Variants in NDUFC2 observed in about 807,000 individuals in gnomAD.
NDUFC2 encodes NADH:ubiquinone oxidoreductase subunit C2.
A neutral mutation model predicts 10.1 loss-of-function variants in NDUFC2; 2 were observed. The ratio of observed to expected loss-of-function variants is 0.20; its 90% CI spans 0.08 to 0.62. NDUFC2 has a LOEUF of 0.62. Ranked by LOEUF, NDUFC2 falls within the 20% of genes least tolerant of loss-of-function variation. The probability of loss-of-function intolerance (pLI) is 0.87; values close to 1 mark genes in which losing one functional copy is unlikely to be tolerated. For missense variants in NDUFC2, 156 were observed against 159.6 expected (o/e 0.98, Z 0.12); for synonymous variants, 61 against 63.6 (o/e 0.96, Z 0.20).
At chr11:78,070,386 G>A (rs1196727127) in intron 2 of NDUFC2, among the ~76,000 whole-genome samples, 1 of 152,044 alleles carries the variant, frequency 6.6e-6, no homozygotes, top group East Asian at 1.9e-4. Flanking sequence ...CCTGATCTTG[G>A]ACTTCCCAGC....
At chr11:78,077,501 GA>G (rs2136841190) in intron 1 of NDUFC2, among the ~76,000 whole-genome samples, 1 of 152,262 alleles carries the variant, frequency 6.6e-6, no homozygotes, top group Non-Finnish European at 1.5e-5. Context: ...TGATCGACCT[GA>G]CCATGTAACT....
At chr11:78,073,871 C>T (rs1481526640) in intron 1 of NDUFC2, among the ~76,000 whole-genome samples, 1 of 146,420 alleles carries the variant, frequency 6.8e-6, no homozygotes, top group Non-Finnish European at 1.5e-5. Context: ...AGACACCCTA[C>T]ATATTCTTTT....
chr11:78,074,242 A>G lies in NDUFC2; in HGVS notation c.167-1101T>C, dbSNP rs1159509966. ...TATTACATGCAATGTATATTTTAGC[A>G]TATAGCACTTAATATTTATTTAATA... On this transcript the variant is annotated intron_variant, in intron 1 of 2. Transcript: ENST00000281031. Among the ~76,000 whole-genome samples the G allele has an allele frequency of 2.6e-5, 4 of 152,092 alleles. No homozygotes were observed. The East Asian group carries it at 7.7e-4, about 29-fold the overall frequency.
chr11:78,078,250 C>G (rs1321629190), intron 1 of NDUFC2, among the ~76,000 whole-genome samples: 3 of 152,234 alleles, frequency 2.0e-5, no homozygotes, highest in African/African-American at 4.8e-5. Context: ...GAGCTCATCA[C>G]TGCACCCTTG....
chr11:78,069,669 A>G lies in NDUFC2; in HGVS notation c.*318T>C. The G allele has an allele frequency of 1.7e-6, 1 of 578,164 alleles. No individual in the cohort carries two copies. Among genetic ancestry groups the G allele is most frequent in the Non-Finnish European group, 3.0e-6 (1 of 334,206 alleles). The allele number at this position is 578,164 out of a possible 1,614,324, so 35.8% of individuals were successfully genotyped here. A position where few individuals can be genotyped will look rare whatever the true frequency, so the allele number is the denominator to read the frequency against. On this transcript the variant is annotated 3_prime_UTR_variant, in exon 3 of 3. Transcript: ENST00000281031. ...TGCAGCATGGCAGTCGCCATAAACA[A>G]CATGTAAACAAATGAGCATGGCTGT...
intron 2 of NDUFC2, among the ~76,000 whole-genome samples, chr11:78,070,561 T>C (rs1482767029): frequency 6.6e-6 from 1 of 152,222 alleles, no homozygotes; most frequent in African/African-American, 2.4e-5. Context: ...CCCCTAAGAA[T>C]TTCCTTATTT....
rs977023312 is a variant in NDUFC2 at position 78,069,598 on chromosome 11, G to A, written c.*389C>T. 11 of 436,314 alleles carry A rather than the reference G, an allele frequency of 2.5e-5. No individual in the cohort carries two copies. The highest frequency in any genetic ancestry group is 4.4e-5 in the Non-Finnish European group (11 of 249,354). 27.0% of individuals were successfully genotyped at this position (436,314 alleles called of 1,614,324 possible). A position where few individuals can be genotyped will look rare whatever the true frequency, so the allele number is the denominator to read the frequency against. On this transcript the variant is annotated 3_prime_UTR_variant, in exon 3 of 3. Coordinates refer to ENST00000281031, the MANE Select transcript of NDUFC2 (RefSeq NM_004549.6). ...TCTGAAAGGGCTACATATTAATTAG[G>A]CTTTGCAGGCCATAGGTCTCTATCA...
intron 2 of NDUFC2, among the ~76,000 whole-genome samples, chr11:78,071,331 C>T (rs1211926004): frequency 6.8e-6 from 1 of 146,226 alleles, no homozygotes; most frequent in African/African-American, 2.5e-5. Flanking sequence ...GATCACGGCT[C>T]ACGGCACCTT....
intron 2 of NDUFC2, among the ~76,000 whole-genome samples, chr11:78,071,254 ATT>A (rs34320551): frequency 2.8e-4 from 36 of 127,684 alleles, no homozygotes; most frequent in Admixed American, 4.3e-4. Flanking sequence ...TAACAGAAGA[ATT>A]TTTTTTTTTT....
chr11:78,075,199 G>A (rs572137542), intron 1 of NDUFC2, among the ~76,000 whole-genome samples: 64 of 152,086 alleles, frequency 4.2e-4, no homozygotes, highest in Non-Finnish European at 8.2e-4. Flanking sequence ...TCTAAATTTC[G>A]GGCACATTAA....
At chr11:78,078,570 G>C (rs917474127) in intron 1 of NDUFC2, among the ~76,000 whole-genome samples, 9 of 152,038 alleles carry the variant, frequency 5.9e-5, no homozygotes, top group African/African-American at 1.7e-4. Context: ...AGAATAGTCA[G>C]TGTCTCTGAT....
At position 78,079,584 on chromosome 11, in the gene NDUFC2, G is replaced by A; in HGVS notation, c.161C>T (p.Thr54Met). The A allele has an allele frequency of 1.3e-6, 2 of 1,551,230 alleles. No homozygotes were observed. Among genetic ancestry groups the A allele is most frequent in the Non-Finnish European group, 1.7e-6 (2 of 1,147,792 alleles). The change falls in exon 1 of 3, where the codon ACG (threonine) becomes ATG (methionine). Residue 54 changes from threonine to methionine, a missense_variant. Thr to Met is a moderately conservative substitution (Grantham distance 81, BLOSUM62 -1). Coordinates refer to ENST00000281031, the MANE Select transcript of NDUFC2 (RefSeq NM_004549.6). ...DNLIRRRPIA[T>M]AGLHRQLLYI... ...CCCGGCCGCGCAGCACTCACCAGCC[G>A]TCGCGATCGGCCTCCGCCGGATTAG...
intron 1 of NDUFC2, among the ~76,000 whole-genome samples, chr11:78,078,525 T>C (rs972437664): frequency 2.6e-5 from 4 of 152,028 alleles, no homozygotes; most frequent in Non-Finnish European, 4.4e-5. Context: ...TGGAAATCCA[T>C]AGAGCTTAGC....
intron 2 of NDUFC2, 36 bp downstream of exon 2, chr11:78,072,962 A>G: frequency 1.9e-6 from 3 of 1,601,976 alleles, no homozygotes; most frequent in Non-Finnish European, 2.5e-6. Flanking sequence ...ATAATAATAC[A>G]GTAAACACAG....
rs773362274 is a variant in NDUFC2, at chr11:78,073,049, G to T, written c.259C>A (p.Arg87Ser). Residue 87 changes from arginine (R) to serine (S), a missense_variant, in exon 2 of 3, where the codon CGT (arginine) becomes AGT (serine). Physicochemically the swap from Arg to Ser is moderately radical, Grantham distance 110. Coordinates refer to ENST00000281031, the MANE Select transcript of NDUFC2 (RefSeq NM_004549.6). ...AATTTCATATATCCAAACATTTCAC[G>T]GTCCCTCACAGCATACAGGTAGTCT... is the stretch of plus-strand genomic sequence containing the variant. ...REDYLYAVRD[R>S]EMFGYMKLHP... is the part of the protein sequence containing the mutation. The T allele has an allele frequency of 6.2e-7, 1 of 1,613,756 alleles. No homozygotes were observed. The highest frequency in any genetic ancestry group is 2.2e-5 in the East Asian group (1 of 44,878).
At chr11:78,073,162 C>T (rs748411981) in intron 1 of NDUFC2, 21 bp from the exon 2 acceptor site, 3 of 1,611,836 alleles carry the variant, frequency 1.9e-6, no homozygotes, top group Non-Finnish European at 1.7e-6. Flanking sequence ...AATGACAAAT[C>T]CCAAAGAAAG....
At chr11:78,074,046 CTTTCTTTCT>C (rs1044463791) in intron 1 of NDUFC2, among the ~76,000 whole-genome samples, 9 of 120,632 alleles carry the variant, frequency 7.5e-5, no homozygotes, top group African/African-American at 2.2e-4. Flanking sequence ...TTCTTTCTTT[CTTTCTTTCT>C]TTTTTTTTTA....
chr11:78,079,692 C>T lies in NDUFC2; in HGVS notation c.53G>A (p.Arg18Gln). Residue 18 changes from arginine (R) to glutamine (Q), a missense_variant, in exon 1 of 3, where the codon CGG (arginine) becomes CAG (glutamine). By Grantham distance (43) the Arg-to-Gln change is conservative. Coordinates refer to ENST00000281031, the MANE Select transcript of NDUFC2 (RefSeq NM_004549.6). Reference sequence around the variant, plus strand: ...GGTCAGCTTGGGCGGGGGCAGGCTCCGGGCCTCATCCGGCAGAAACCGTAA... The same window carrying T: ...GGTCAGCTTGGGCGGGGGCAGGCTCTGGGCCTCATCCGGCAGAAACCGTAA... ...EPLRFLPDEARSLPPPKLTDP... is the reference protein window; with the variant it reads ...EPLRFLPDEAQSLPPPKLTDP... 6.2e-7 allele frequency: 1 copy of T among 1,609,852 alleles called. No individual in the cohort carries two copies. Among genetic ancestry groups the T allele is most frequent in the South Asian group, 1.1e-5 (1 of 90,350 alleles).
chr11:78,079,154 T>C (rs1203266113), intron 1 of NDUFC2, among the ~76,000 whole-genome samples: 1 of 149,942 alleles, frequency 6.7e-6, no homozygotes, highest in Non-Finnish European at 1.5e-5. Context: ...AATAGCCATA[T>C]GACCTTGGGC....
Sources: gnomAD v4.1 joint callset for allele counts (sites outside exome capture counted in the v4.1 genomes callset) on GRCh38, gnomAD v4.1.1 for gene constraint, MANE v1.5 for transcripts, NCBI Gene and HGNC (gene_info 2026-07-23, HGNC 2026-07-21) for gene names.